LRCH3: variants seen among roughly 807,000 people sequenced by gnomAD.
The protein encoded by LRCH3 is DISP complex protein LRCH3.
Under a neutral mutation model 104.5 loss-of-function variants are expected in LRCH3, and 68 were observed. That is an observed-to-expected ratio of 0.65 (90% CI 0.54 to 0.80). The LOEUF (loss-of-function observed/expected upper bound fraction) is 0.80. LRCH3 is among the 30% of genes least tolerant of loss of function. LRCH3 has a pLI of 0.00. For missense variants in LRCH3, 951 were observed against 953.9 expected (o/e 1.00, Z 0.04); for synonymous variants, 344 against 361.3 (o/e 0.95, Z 0.54).
Position 197,826,895 on chromosome 3 carries a change from T to G in LRCH3, c.658T>G (p.Leu220Val), listed in dbSNP as rs111388148. Reference sequence around the variant, plus strand: ...TCTTGCAGAGCTGGCGGAGTTGCCTTTGATACGGTTAGACTTCTCATGCAA... The same window carrying G: ...TCTTGCAGAGCTGGCGGAGTTGCCTGTGATACGGTTAGACTTCTCATGCAA... ...HLPEELAELP[L>V]IRLDFSCNKI... The change falls in exon 5 of 21, where the codon TTG becomes GTG. Residue 220 changes from leucine (L) to valine (V), a missense_variant. By Grantham distance (32) the Leu-to-Val change is conservative. Coordinates refer to ENST00000425562, the MANE Select transcript of LRCH3 (RefSeq NM_001365715.1). The G allele has an allele frequency of 6.2e-7, 1 of 1,614,196 alleles. No homozygotes were observed.
intron 10 of LRCH3, among the ~76,000 whole-genome samples, chr3:197,842,182 AAGAACTCCATACTTGATCCT>A (rs1737907480): frequency 6.6e-6 from 1 of 152,114 alleles, no homozygotes; most frequent in African/African-American, 2.4e-5. Context: ...GTCCTTGGAT[AAGAACTCCATACTTGATCCT>A]AGTAACCAGT....
intron 14 of LRCH3, among the ~76,000 whole-genome samples, chr3:197,855,222 C>T (rs1206040526): frequency 1.3e-5 from 2 of 152,192 alleles, no homozygotes; most frequent in African/African-American, 4.8e-5. Context: ...ACATCAGCTT[C>T]CGTGGTCTGT....
intron 5 of LRCH3, 68 bp downstream of exon 5, chr3:197,827,082 T>G: frequency 6.5e-7 from 1 of 1,526,972 alleles, no homozygotes; most frequent in Non-Finnish European, 8.8e-7. Flanking sequence ...TGGAAGCATC[T>G]GGTGAACCAT....
intron 12 of LRCH3, among the ~76,000 whole-genome samples, chr3:197,851,928 G>C (rs1739658149): frequency 6.6e-6 from 1 of 152,204 alleles, no homozygotes; most frequent in African/African-American, 2.4e-5. Context: ...GCCCAAACCA[G>C]TTATGCTGCT....
chr3:197,797,226 G>T (rs1731313369), intron 1 of LRCH3, among the ~76,000 whole-genome samples: 1 of 150,742 alleles, frequency 6.6e-6, no homozygotes, highest in Non-Finnish European at 1.5e-5. Context: ...CTACTTGGGA[G>T]GCTGAGGCAG....
At position 197,854,386 on chromosome 3, in the gene LRCH3, C is replaced by CTCCAGTGCCCCTTCCCA; in HGVS notation, c.1591_1607dup. 1 of 1,613,938 alleles carries CTCCAGTGCCCCTTCCCA rather than the reference C, an allele frequency of 6.2e-7. No homozygotes were observed. Among genetic ancestry groups the CTCCAGTGCCCCTTCCCA allele is most frequent in the African/African-American group, 1.3e-5 (1 of 75,054 alleles). On this transcript the variant is annotated splice_region_variant and splice_polypyrimidine_tract_variant and intron_variant, in intron 13 of 20. Transcript: ENST00000425562. The surrounding 1 kb of genome is among the most constrained non-coding windows in gnomAD (Gnocchi z 4.5). The stretch of plus-strand genomic sequence containing the variant: ...GACATGGCTTCATTTTTCTCCATCT[C>CTCCAGTGCCCCTTCCCA]TCCAGTGCCCCTTCCCATCCAGAAG...
At chr3:197,863,575 A>G (rs1741129738) in intron 15 of LRCH3, among the ~76,000 whole-genome samples, 1 of 152,122 alleles carries the variant, frequency 6.6e-6, no homozygotes, top group Non-Finnish European at 1.5e-5. Context: ...AGCTTTTCTT[A>G]ACTGTACTCC....
chr3:197,868,287 C>G (rs181182042), intron 17 of LRCH3, among the ~76,000 whole-genome samples: 7 of 152,098 alleles, frequency 4.6e-5, no homozygotes, highest in Non-Finnish European at 2.9e-5. Flanking sequence ...AGTATAGTAA[C>G]AATTTATATA....
At chr3:197,869,511 G>A (rs1188061246) in intron 17 of LRCH3, among the ~76,000 whole-genome samples, 3 of 127,916 alleles carry the variant, frequency 2.3e-5, no homozygotes, top group Admixed American at 8.0e-5. Flanking sequence ...ACCTGCAGGA[G>A]GTAGAAAGCC....
At chr3:197,848,755 G>C (rs183651097) in intron 12 of LRCH3, among the ~76,000 whole-genome samples, 189 of 152,274 alleles carry the variant, frequency 1.2e-3, no homozygotes, top group African/African-American at 4.0e-3. Context: ...ATGATTAAAT[G>C]AATTTTTCTT....
At chr3:197,858,456 T>C (rs1242886474) in intron 14 of LRCH3, among the ~76,000 whole-genome samples, 1 of 152,082 alleles carries the variant, frequency 6.6e-6, no homozygotes, top group Non-Finnish European at 1.5e-5. Flanking sequence ...ATATTGTTTT[T>C]ATTGATGCCA....
intron 15 of LRCH3, among the ~76,000 whole-genome samples, chr3:197,859,721 C>T (rs1190803468): frequency 6.6e-6 from 1 of 151,926 alleles, no homozygotes. Flanking sequence ...TACTTCTTTT[C>T]TTTCCAGAGT....
intron 10 of LRCH3, among the ~76,000 whole-genome samples, chr3:197,847,208 G>A (rs958209361): frequency 1.3e-5 from 2 of 152,194 alleles, no homozygotes; most frequent in Middle Eastern, 3.2e-3. Flanking sequence ...GTGAGTTGGA[G>A]GCATCAGATT....
intron 2 of LRCH3, among the ~76,000 whole-genome samples, chr3:197,816,174 G>C (rs889450393): frequency 1.3e-5 from 2 of 152,124 alleles, no homozygotes; most frequent in African/African-American, 2.4e-5. Flanking sequence ...TATCATCTCA[G>C]TAAAAGATCT....
intron 20 of LRCH3, chr3:197,882,661 A>T: frequency 1.0e-6 from 1 of 979,972 alleles, no homozygotes; most frequent in African/African-American, 1.8e-5. Context: ...CTTAACAGAA[A>T]GCTAGTGATA....
intron 1 of LRCH3, among the ~76,000 whole-genome samples, chr3:197,797,524 A>G (rs147203319): frequency 6.6e-6 from 1 of 152,190 alleles, no homozygotes; most frequent in African/African-American, 2.4e-5. Flanking sequence ...AAACAGAAAC[A>G]GAAAAAAGAT....
intron 4 of LRCH3, among the ~76,000 whole-genome samples, chr3:197,821,053 G>T (rs2109221051): frequency 6.6e-6 from 1 of 152,272 alleles, no homozygotes; most frequent in South Asian, 2.1e-4. Context: ...AGGGTCCCTG[G>T]AAATTTCAGT....
chr3:197,792,295 A>G (rs945654382), intron 1 of LRCH3, among the ~76,000 whole-genome samples: 1 of 151,988 alleles, frequency 6.6e-6, no homozygotes, highest in Non-Finnish European at 1.5e-5. Flanking sequence ...CAAACTACTT[A>G]GAAAAGATAG....
chr3:197,825,640 C>T (rs1299024758), intron 4 of LRCH3, among the ~76,000 whole-genome samples: 1 of 151,214 alleles, frequency 6.6e-6, no homozygotes, highest in Non-Finnish European at 1.5e-5. Context: ...CCACCACGCC[C>T]AGCTAATTTT....
Sources: gnomAD v4.1 joint callset for allele counts (sites outside exome capture counted in the v4.1 genomes callset) on GRCh38, gnomAD v4.1.1 for gene constraint, Gnocchi (gnomAD v3.1) non-coding constraint, MANE v1.5 for transcripts, NCBI Gene and HGNC (gene_info 2026-07-23, HGNC 2026-07-21) for gene names.